Variants in CNTN5 observed in about 807,000 individuals in gnomAD.
CNTN5 encodes contactin 5, also known as contactin-5.
In CNTN5, 77 loss-of-function variants were observed where a neutral mutation model predicts 129.1. The observed-to-expected ratio is 0.60, with a 90% CI of 0.50 to 0.72. The LOEUF (loss-of-function observed/expected upper bound fraction) is 0.72. Ranked by LOEUF, CNTN5 falls within the 30% of genes least tolerant of loss-of-function variation. The probability of loss-of-function intolerance (pLI) is 0.00; values close to 1 mark genes in which losing one functional copy is unlikely to be tolerated. For synonymous variants in CNTN5, 509 were observed against 465.6 expected, an observed-to-expected ratio of 1.09 and a Z score of -1.20; for missense variants, 1,478 against 1,328.8, an observed-to-expected ratio of 1.11 and a Z score of -1.75.
At chr11:99,132,042 T>G (rs905898752) in intron 1 of CNTN5, among the ~76,000 whole-genome samples, 7 of 152,124 alleles carry the variant, frequency 4.6e-5, no homozygotes, top group African/African-American at 1.7e-4. Context: ...ATCAAAAAGC[T>G]TATTTAGCAC....
At chr11:99,626,975 C>T (rs566753681) in intron 3 of CNTN5, among the ~76,000 whole-genome samples, 1 of 152,086 alleles carries the variant, frequency 6.6e-6, no homozygotes, top group African/African-American at 2.4e-5. Context: ...GTCAGCTCAG[C>T]CTCATTGTTC....
intron 9 of CNTN5, among the ~76,000 whole-genome samples, chr11:100,025,197 A>C (rs183625662): frequency 6.6e-5 from 10 of 152,336 alleles, no homozygotes; most frequent in Middle Eastern, 3.4e-3. Flanking sequence ...TGTGGCTGAA[A>C]GAGGCCAAAA....
intron 2 of CNTN5, among the ~76,000 whole-genome samples, chr11:99,329,914 G>GAC (rs58544462): frequency 0.017 from 2,435 of 140,300 alleles, 26 homozygotes; most frequent in Non-Finnish European, 0.02. Context: ...TACAAGCAGT[G>GAC]ACACACACAC....
At chr11:99,074,535 G>T (rs1865481625) in intron 1 of CNTN5, among the ~76,000 whole-genome samples, 1 of 152,032 alleles carries the variant, frequency 6.6e-6, no homozygotes, top group African/African-American at 2.4e-5. Context: ...ATAGAGACTG[G>T]GTCTCTCTAT....
At chr11:99,068,636 C>T (rs775447044) in intron 1 of CNTN5, among the ~76,000 whole-genome samples, 4 of 152,090 alleles carry the variant, frequency 2.6e-5, no homozygotes, top group Non-Finnish European at 4.4e-5. Context: ...CTCAAAGCTG[C>T]GAAGAGCCCC....
rs146293759 is a variant in CNTN5, at chr11:100,315,702, T to C, written c.2730+7234T>C. On this transcript the variant is annotated intron_variant, in intron 21 of 24. Coordinates refer to ENST00000524871, the MANE Select transcript of CNTN5 (RefSeq NM_014361.4). ...TCTGAAGAAATAAGAAAAAAAAATA[T>C]GAAATTCCAAATGTAGACATTAATC... Among the ~76,000 whole-genome samples the C allele has an allele frequency of 3.2e-3, 491 of 152,256 alleles. 12 individuals are homozygous for C. Among genetic ancestry groups the C allele is most frequent in the Non-Finnish European group, 1.5e-3 (103 of 68,014 alleles).
intron 24 of CNTN5, among the ~76,000 whole-genome samples, chr11:100,351,077 A>G (rs1043650780): frequency 6.6e-6 from 1 of 151,658 alleles, no homozygotes; most frequent in Non-Finnish European, 1.5e-5. Context: ...AAAGGAGTTG[A>G]CATTTTCATT....
chr11:100,014,970 G>A (rs182915980), intron 9 of CNTN5, among the ~76,000 whole-genome samples: 19 of 152,140 alleles, frequency 1.2e-4, no homozygotes, highest in African/African-American at 3.9e-4. Context: ...CCATTTAGGC[G>A]TTTTCCAAAG....
At chr11:99,489,732 T>C (rs1003007394) in intron 2 of CNTN5, among the ~76,000 whole-genome samples, 2 of 152,120 alleles carry the variant, frequency 1.3e-5, no homozygotes, top group African/African-American at 4.8e-5. Context: ...TGGTACACCA[T>C]AGAAAGAATT....
At chr11:99,896,145 C>T in intron 6 of CNTN5, among the ~76,000 whole-genome samples, 1 of 152,142 alleles carries the variant, frequency 6.6e-6, no homozygotes, top group East Asian at 1.9e-4. Flanking sequence ...GGAGGTGGGG[C>T]ACATTTGTGG....
chr11:99,307,887 G>A lies in CNTN5; in HGVS notation c.-209-17459G>A, dbSNP rs1049960955. ...AATTAGAAAGTATGCAGACCTGCTG[G>A]AGCCAAACACATACACCCAAACCAG... On this transcript the variant is annotated intron_variant, in intron 1 of 24. Transcript: ENST00000524871. Among the ~76,000 whole-genome samples, 34 of 152,176 alleles carry A rather than the reference G, an allele frequency of 2.2e-4. 1 individual carries two copies. The highest frequency in any genetic ancestry group is 8.2e-4 in the African/African-American group (34 of 41,446).
chr11:99,910,059 T>G (rs1488632565), intron 6 of CNTN5, among the ~76,000 whole-genome samples: 1 of 152,034 alleles, frequency 6.6e-6, no homozygotes, highest in Non-Finnish European at 1.5e-5. Flanking sequence ...AAACCAAGAG[T>G]ATCATAATAG....
chr11:99,898,174 A>G (rs962748820), intron 6 of CNTN5, among the ~76,000 whole-genome samples: 1 of 152,140 alleles, frequency 6.6e-6, no homozygotes, highest in Non-Finnish European at 1.5e-5. Context: ...TAAGAAAAAC[A>G]AGAACAAATC....
At chr11:99,966,439 A>T (rs1951095975) in intron 8 of CNTN5, among the ~76,000 whole-genome samples, 1 of 152,194 alleles carries the variant, frequency 6.6e-6, no homozygotes, top group Admixed American at 6.6e-5. Context: ...TTCTACAGGC[A>T]TCTTGAGCTT....
chr11:99,029,030 G>A (rs1444589410), intron 1 of CNTN5, among the ~76,000 whole-genome samples: 1 of 151,760 alleles, frequency 6.6e-6, no homozygotes, highest in African/African-American at 2.4e-5. Context: ...CTTATTAGCT[G>A]TATAATTTTG....
intron 2 of CNTN5, among the ~76,000 whole-genome samples, chr11:99,356,550 A>G (rs1169769703): frequency 6.6e-6 from 1 of 152,206 alleles, no homozygotes; most frequent in Admixed American, 6.5e-5. Context: ...TTGAACACCT[A>G]CGTTGTGCAG....
chr11:99,407,701 A>G (rs939961514), intron 2 of CNTN5, among the ~76,000 whole-genome samples: 3 of 152,124 alleles, frequency 2.0e-5, no homozygotes, highest in African/African-American at 7.2e-5. Flanking sequence ...AGTGGCCTTT[A>G]GCTTGTAGTG....
chr11:99,812,550 A>G (rs1372229), intron 3 of CNTN5, among the ~76,000 whole-genome samples: 24,338 of 152,164 alleles, frequency 0.16, 2,077 homozygotes, highest in Non-Finnish European at 0.17. Context: ...GATCTTTACA[A>G]CAATCTATGA....
intron 21 of CNTN5, among the ~76,000 whole-genome samples, chr11:100,335,171 A>AT (rs397727114): frequency 5.9e-5 from 9 of 151,798 alleles, no homozygotes; most frequent in African/African-American, 1.7e-4. Flanking sequence ...TCCAAAAAAA[A>AT]TTTTAACAAG....
Sources: allele counts gnomAD v4.1 joint callset (sites outside exome capture counted in the v4.1 genomes callset), GRCh38; gene constraint gnomAD v4.1.1; transcripts MANE v1.5; gene names NCBI Gene and HGNC (gene_info 2026-07-23, HGNC 2026-07-21).